The following STX18 variants were observed in gnomAD, a reference collection of about 807,000 sequenced individuals.
STX18 encodes syntaxin-18.
Under a neutral mutation model 50.1 loss-of-function variants are expected in STX18, and 40 were observed. The ratio of observed to expected loss-of-function variants is 0.80; its 90% CI spans 0.62 to 1.04. The LOEUF is 1.04. Among genes scored for constraint, STX18 ranks in the 50% least tolerant of loss-of-function variants. The pLI, the probability that STX18 is intolerant of heterozygous loss-of-function variation, is 0.00. For synonymous variants in STX18, 158 were observed against 151.8 expected, an observed-to-expected ratio of 1.04 and a Z score of -0.30; for missense variants, 410 against 415.8, an observed-to-expected ratio of 0.99 and a Z score of 0.12.
intron 1 of STX18, among the ~76,000 whole-genome samples, chr4:4,517,593 A>G (rs1180224308): frequency 2.0e-5 from 3 of 152,214 alleles, no homozygotes; most frequent in Non-Finnish European, 4.4e-5. Context: ...CAAAATGCAT[A>G]AACGTGATTT....
intron 1 of STX18, among the ~76,000 whole-genome samples, chr4:4,530,526 T>C (rs576340666): frequency 1.3e-5 from 2 of 152,120 alleles, no homozygotes; most frequent in East Asian, 3.8e-4. Context: ...ACCATCATCA[T>C]CAAAATCATT....
At chr4:4,540,622 T>G (rs928640731) in intron 1 of STX18, among the ~76,000 whole-genome samples, 2 of 152,212 alleles carry the variant, frequency 1.3e-5, no homozygotes, top group Non-Finnish European at 2.9e-5. Context: ...TTTATGGCAC[T>G]TGTTTTATGT....
chr4:4,467,344 G>A (rs747327859), intron 2 of STX18, among the ~76,000 whole-genome samples: 6 of 152,136 alleles, frequency 3.9e-5, no homozygotes, highest in South Asian at 4.1e-4. Context: ...TTTGGCCTAC[G>A]ACTAGTAATG....
At chr4:4,493,707 T>C (rs1217020945) in intron 1 of STX18, among the ~76,000 whole-genome samples, 1 of 152,200 alleles carries the variant, frequency 6.6e-6, no homozygotes, top group Non-Finnish European at 1.5e-5. Context: ...CAATAGAAAA[T>C]ATTGTTAATA....
intron 1 of STX18, among the ~76,000 whole-genome samples, chr4:4,493,534 G>C (rs2108867433): frequency 6.6e-6 from 1 of 152,238 alleles, no homozygotes; most frequent in East Asian, 1.9e-4. Flanking sequence ...GTTTAGGTGG[G>C]AGAAATATTG....
chr4:4,423,386 C>G, intron 9 of STX18, 132 bp downstream of exon 9: 1 of 861,756 alleles, frequency 1.2e-6, no homozygotes. Context: ...TCTGCGCACA[C>G]ACACCTGCTA....
At chr4:4,500,586 T>A (rs762036152) in intron 1 of STX18, among the ~76,000 whole-genome samples, 12 of 152,228 alleles carry the variant, frequency 7.9e-5, no homozygotes, top group Non-Finnish European at 1.5e-4. Flanking sequence ...CCCCTGAGGA[T>A]ACCAAGGGAT....
intron 1 of STX18, among the ~76,000 whole-genome samples, chr4:4,485,423 G>C (rs1235102373): frequency 2.0e-5 from 3 of 152,168 alleles, no homozygotes; most frequent in African/African-American, 7.2e-5. Context: ...GGCCACTCTG[G>C]ACTTCAACAC....
chr4:4,506,285 T>C (rs1392451017), intron 1 of STX18, among the ~76,000 whole-genome samples: 1 of 152,232 alleles, frequency 6.6e-6, no homozygotes, highest in Admixed American at 6.5e-5. Flanking sequence ...AAAAACTAGA[T>C]ACAACACAAA....
At chr4:4,501,497 A>G (rs997450476) in intron 1 of STX18, among the ~76,000 whole-genome samples, 2 of 152,218 alleles carry the variant, frequency 1.3e-5, no homozygotes, top group East Asian at 1.9e-4. Flanking sequence ...GGGAAAATCT[A>G]TATGAGGGAA....
intron 7 of STX18, among the ~76,000 whole-genome samples, chr4:4,434,104 G>A (rs1725656312): frequency 1.3e-5 from 2 of 152,220 alleles, no homozygotes; most frequent in South Asian, 2.1e-4. Context: ...GAGGCGTGCC[G>A]TGTGGTAGTC....
chr4:4,423,385 A>C, intron 9 of STX18, 133 bp downstream of exon 9: 3 of 852,326 alleles, frequency 3.5e-6, no homozygotes, highest in Non-Finnish European at 5.7e-6. Flanking sequence ...CTCTGCGCAC[A>C]CACACCTGCT....
At position 4,420,043 on chromosome 4, in the gene STX18, G is replaced by C. The variant is rs368451147; in HGVS notation, c.999C>G (p.Tyr333Ter). The change falls in exon 11 of 11, where the codon TAC becomes TAG. Residue 333 changes from tyrosine to a stop codon, truncating the protein, a stop_gained. Coordinates refer to ENST00000306200, the MANE Select transcript of STX18 (RefSeq NM_016930.4). LOFTEE classifies it high-confidence loss of function. This position sits in a 1 kb window ranked among gnomAD's most constrained non-coding sequence, Gnocchi z 4.3. ...CSFSLLFLDWYDS is the reference protein window; with the variant it reads ...CSFSLLFLDW ...GCCCCCGTGGCCCTGGCTAGCTGTC[G>C]TACCAGTCGAGGAAGAGCAAGGAGA... 1 of 1,612,078 alleles carries C rather than the reference G, an allele frequency of 6.2e-7. No homozygotes were observed. Among genetic ancestry groups the C allele is most frequent in the Non-Finnish European group, 8.5e-7 (1 of 1,179,068 alleles).
intron 8 of STX18, chr4:4,423,934 G>T: frequency 3.0e-6 from 1 of 331,874 alleles, no homozygotes; most frequent in African/African-American, 2.1e-5. Flanking sequence ...ACAGAAAGCA[G>T]TCTCCAGTAA....
intron 1 of STX18, among the ~76,000 whole-genome samples, chr4:4,486,187 C>G (rs1560188811): frequency 6.6e-6 from 1 of 152,178 alleles, no homozygotes; most frequent in Non-Finnish European, 1.5e-5. Context: ...AATTTGAAAG[C>G]TCCTACCACC....
intron 1 of STX18, among the ~76,000 whole-genome samples, chr4:4,506,038 A>C (rs539862997): frequency 4.1e-4 from 62 of 152,274 alleles, no homozygotes; most frequent in African/African-American, 1.5e-3. Context: ...CATTGTATGG[A>C]TATACATTTT....
intron 1 of STX18, among the ~76,000 whole-genome samples, chr4:4,531,345 A>G (rs532548939): frequency 6.6e-6 from 1 of 152,228 alleles, no homozygotes; most frequent in African/African-American, 2.4e-5. Flanking sequence ...ATTTATCCAA[A>G]TCTTCTGTAT....
chr4:4,513,357 T>C (rs1328585404), intron 1 of STX18, among the ~76,000 whole-genome samples: 1 of 152,146 alleles, frequency 6.6e-6, no homozygotes, highest in East Asian at 1.9e-4. Flanking sequence ...AAGCGCCTGA[T>C]TACAGCTTTA....
chr4:4,491,580 G>C (rs555291256), intron 1 of STX18, among the ~76,000 whole-genome samples: 2 of 152,058 alleles, frequency 1.3e-5, no homozygotes, highest in South Asian at 4.2e-4. Flanking sequence ...GTATACTTTG[G>C]GTAAGTAAGA....
Sources: gnomAD v4.1 joint callset for allele counts (sites outside exome capture counted in the v4.1 genomes callset) on GRCh38, gnomAD v4.1.1 for gene constraint, Gnocchi (gnomAD v3.1) non-coding constraint, MANE v1.5 for transcripts, NCBI Gene and HGNC (gene_info 2026-07-23, HGNC 2026-07-21) for gene names.